SIPA1L3: variants seen among roughly 807,000 people sequenced by gnomAD.
SIPA1L3 encodes signal-induced proliferation-associated 1-like protein 3.
Under a neutral mutation model 150.1 loss-of-function variants are expected in SIPA1L3, and 59 were observed. That is an observed-to-expected ratio of 0.39 (90% confidence interval 0.32 to 0.49). The LOEUF (loss-of-function observed/expected upper bound fraction) is 0.49, where lower values mean the gene tolerates loss of function less well. SIPA1L3 is among the 20% of genes least tolerant of loss of function. The pLI is 0.86. For missense variants in SIPA1L3, 2,211 were observed against 2,489.5 expected (o/e 0.89, Z 2.38); for synonymous variants, 1,070 against 1,077.6 (o/e 0.99, Z 0.14).
At chr19:37,941,798 T>C (rs190351730) in intron 1 of SIPA1L3, among the ~76,000 whole-genome samples, 23 of 152,268 alleles carry the variant, frequency 1.5e-4, no homozygotes, top group African/African-American at 5.3e-4. Context: ...TTTTGAGTAT[T>C]TGGATTTCTT....
At chr19:37,928,797 C>T (rs561069924) in intron 1 of SIPA1L3, among the ~76,000 whole-genome samples, 2 of 152,290 alleles carry the variant, frequency 1.3e-5, no homozygotes, top group South Asian at 2.1e-4. Flanking sequence ...CCTGAAATAA[C>T]GAGATTTATG....
chr19:37,923,072 G>A (rs905555507), intron 1 of SIPA1L3, among the ~76,000 whole-genome samples: 1 of 151,728 alleles, frequency 6.6e-6, no homozygotes, highest in East Asian at 1.9e-4. Context: ...GGGAGGTGGA[G>A]CTTACAGTGA....
intron 8 of SIPA1L3, among the ~76,000 whole-genome samples, chr19:38,115,902 C>T (rs1970870821): frequency 6.6e-6 from 1 of 152,148 alleles, no homozygotes; most frequent in Admixed American, 6.6e-5. Context: ...ACGTTATCCC[C>T]AATGCCTAAG....
chr19:38,164,998 A>G lies in SIPA1L3; in HGVS notation c.4208+92A>G. 2 of 1,247,312 alleles carry G rather than the reference A, an allele frequency of 1.6e-6. No homozygotes were observed. The highest frequency in any genetic ancestry group is 2.2e-6 in the Non-Finnish European group (2 of 925,000). 77.3% of individuals were successfully genotyped at this position (1,247,312 alleles called of 1,614,324 possible). ...TGATGGTGGGGTTCTCCTCCCCAGA[A>G]ACACACTCACGGATGAATGCGCCTA... On this transcript the variant is annotated intron_variant, in intron 15 of 21. Coordinates refer to ENST00000222345, the MANE Select transcript of SIPA1L3 (RefSeq NM_015073.3). This position sits in a 1 kb window ranked among gnomAD's most constrained non-coding sequence, Gnocchi z 4.1.
intron 9 of SIPA1L3, among the ~76,000 whole-genome samples, chr19:38,121,862 T>G (rs1971028968): frequency 2.0e-5 from 3 of 151,742 alleles, no homozygotes; most frequent in African/African-American, 7.3e-5. Context: ...GAGGCTGCAG[T>G]GAGCTATGAT....
chr19:38,045,712 C>T (rs1310050626), intron 2 of SIPA1L3, among the ~76,000 whole-genome samples: 2 of 151,844 alleles, frequency 1.3e-5, no homozygotes, highest in Non-Finnish European at 2.9e-5. Context: ...TGAAGCTCGA[C>T]GGGGAGGATG....
chr19:38,152,130 T>C lies in SIPA1L3; in HGVS notation c.3534-710T>C, dbSNP rs567413177. 2.0e-3 allele frequency among the ~76,000 whole-genome samples: 310 copies of C among 152,142 alleles called. 2 individuals are homozygous for C. The highest frequency in any genetic ancestry group is 7.1e-3 in the African/African-American group (295 of 41,504). ...AACTTTATTCCATCCACTCCCCAAC[T>C]CTATGAGGTAGAAAATGTTACCTCG... On this transcript the variant is annotated intron_variant, in intron 12 of 21. Transcript: ENST00000222345.
chr19:38,126,325 G>T (rs545651977), intron 9 of SIPA1L3, among the ~76,000 whole-genome samples: 2 of 152,280 alleles, frequency 1.3e-5, no homozygotes, highest in East Asian at 3.9e-4. Context: ...AAATCCACAG[G>T]TTGGATACAG....
At chr19:37,922,645 G>A (rs572342451) in intron 1 of SIPA1L3, among the ~76,000 whole-genome samples, 7 of 149,096 alleles carry the variant, frequency 4.7e-5, no homozygotes, top group African/African-American at 1.5e-4. Context: ...AGCCTGCCTC[G>A]GCCTCCCAGA....
chr19:38,136,785 C>T lies in SIPA1L3; in HGVS notation c.3144-4399C>T, dbSNP rs111534188. Among the ~76,000 whole-genome samples the T allele has an allele frequency of 1.9e-3, 287 of 152,198 alleles. 2 individuals carry two copies. The highest frequency in any genetic ancestry group is 6.6e-3 in the African/African-American group (276 of 41,518). On this transcript the variant is annotated intron_variant, in intron 10 of 21. Transcript: ENST00000222345. ...TTATTTGCTGAGCTCCTGATAATTT[C>T]GATGATGATCATTTTCAGATCACTG...
At chr19:37,941,087 T>TACACATAC (rs1555767550) in intron 1 of SIPA1L3, among the ~76,000 whole-genome samples, 2 of 128,570 alleles carry the variant, frequency 1.6e-5, no homozygotes, top group Non-Finnish European at 3.2e-5. Flanking sequence ...CACACACACA[T>TACACATAC]ACACACACAC....
Position 38,193,719 on chromosome 19 carries a change from C to T in SIPA1L3, c.4779C>T (p.Pro1593=). The change falls in exon 18 of 22, where the codon CCC becomes CCT. Residue 1593 remains proline (P), a synonymous_variant. Transcript: ENST00000222345. The part of the protein sequence containing the change: ...TLPARRQHQH[P]HPPVGPGATP... ...CTGCACGCCGCCAGCACCAGCACCC[C>T]CACCCGCCCGTCGGCCCCGGTGCCA... 2 of 1,568,068 alleles carry T rather than the reference C, an allele frequency of 1.3e-6. No homozygotes were observed. Among genetic ancestry groups the T allele is most frequent in the Non-Finnish European group, 8.6e-7 (1 of 1,165,526 alleles).
rs139529207 is a variant in SIPA1L3 at position 38,073,242 on chromosome 19, C to T, written c.-310-8014C>T. ...GTGGCTGTGGCCACCAGCTTGTGACCGTGACGCAGCAAGCCAGAAGACTTG... is the reference window on the plus strand; with the variant it reads ...GTGGCTGTGGCCACCAGCTTGTGACTGTGACGCAGCAAGCCAGAAGACTTG... On this transcript the variant is annotated intron_variant, in intron 2 of 21. Transcript: ENST00000222345. Among the ~76,000 whole-genome samples, 96 of 152,236 alleles carry T rather than the reference C, an allele frequency of 6.3e-4. 1 individual carries two copies. In the East Asian group the frequency reaches 0.011, roughly 17 times the overall value.
In SIPA1L3 at chr19:38,119,813, A is replaced by G; in HGVS notation, c.2799A>G (p.Gly933=). The G allele has an allele frequency of 6.2e-7, 1 of 1,613,786 alleles. No individual in the cohort carries two copies. The highest frequency in any genetic ancestry group is 8.5e-7 in the Non-Finnish European group (1 of 1,180,032). The change falls in exon 9 of 22, where the codon GGA becomes GGG. Residue 933 remains glycine (G), a synonymous_variant. Transcript: ENST00000222345. ...SSTLKIFYGR[G]DHIFLQATEG... ...CACTCAAAATCTTCTATGGACGAGG[A>G]GACCACATCTTCCTACAGGCGACAG...
intron 4 of SIPA1L3, among the ~76,000 whole-genome samples, chr19:38,096,253 TTTG>T (rs543541723): frequency 2.0e-5 from 3 of 152,152 alleles, no homozygotes; most frequent in Non-Finnish European, 1.5e-5. Context: ...CCTTAGTCTT[TTTG>T]TTGTTGTTGT....
intron 2 of SIPA1L3, among the ~76,000 whole-genome samples, chr19:38,066,079 C>T (rs188227732): frequency 3.4e-4 from 52 of 151,114 alleles, no homozygotes; most frequent in Non-Finnish European, 5.2e-4. Flanking sequence ...TTGAGGAGAT[C>T]CTGGCTAACT....
chr19:37,982,392 C>G (rs1385528125), intron 1 of SIPA1L3, among the ~76,000 whole-genome samples: 1 of 152,248 alleles, frequency 6.6e-6, no homozygotes, highest in African/African-American at 2.4e-5. Context: ...GGAGCACCTA[C>G]TGTGTGCCTA....
At chr19:38,059,502 C>A (rs542865081) in intron 2 of SIPA1L3, among the ~76,000 whole-genome samples, 7 of 151,950 alleles carry the variant, frequency 4.6e-5, no homozygotes, top group African/African-American at 1.5e-4. Context: ...TGGGGTTTCA[C>A]CATGTTAGCT....
chr19:38,101,196 A>G lies in SIPA1L3; in HGVS notation c.1999A>G (p.Thr667Ala). 6.3e-7 allele frequency: 1 copy of G among 1,596,096 alleles called. No homozygotes were observed. The highest frequency in any genetic ancestry group is 1.1e-5 in the South Asian group (1 of 87,956). ...CGAGAAGGTCTGCCTGAAGGGCTTC[A>G]CCAAGTACGCTGCCCAGCTGGACGT... Reference protein sequence around the residue: ...IGEKVCLKGFTKYAAQLDVKT... With the variant: ...IGEKVCLKGFAKYAAQLDVKT... The change falls in exon 6 of 22, where the codon ACC becomes GCC. Residue 667 changes from threonine (T) to alanine (A), a missense_variant. By Grantham distance (58) the Thr-to-Ala change is moderately conservative. Coordinates refer to ENST00000222345, the MANE Select transcript of SIPA1L3 (RefSeq NM_015073.3).
Sources: gnomAD v4.1 joint callset for allele counts (sites outside exome capture counted in the v4.1 genomes callset) on GRCh38, gnomAD v4.1.1 for gene constraint, Gnocchi (gnomAD v3.1) non-coding constraint, MANE v1.5 for transcripts, NCBI Gene and HGNC (gene_info 2026-07-23, HGNC 2026-07-21) for gene names.